RIN2: variants seen among roughly 807,000 people sequenced by gnomAD.
RIN2 encodes RAB5 interacting protein 2.
Under a neutral mutation model 78.0 loss-of-function variants are expected in RIN2, and 36 were observed. The ratio of observed to expected loss-of-function variants is 0.46; its 90% confidence interval spans 0.35 to 0.61. The LOEUF is 0.61. Among genes scored for constraint, RIN2 ranks in the 20% least tolerant of loss-of-function variants. RIN2 has a pLI of 0.00. For missense variants in RIN2, 1,087 were observed against 1,159.7 expected, an observed-to-expected ratio of 0.94 and a Z score of 0.91; for synonymous variants, 466 against 466.8, an observed-to-expected ratio of 1.00 and a Z score of 0.02.
chr20:19,763,387 C>CTAAATAAATAAA (rs146419222), intron 1 of RIN2, among the ~76,000 whole-genome samples: 4,918 of 151,346 alleles, frequency 0.032, 175 homozygotes, highest in African/African-American at 0.087. Context: ...GACTCTGTCT[C>CTAAATAAATAAA]TAAATAAATA....
At chr20:19,965,340 GCACACATGCACACACAGA>G (rs1259416290) in intron 7 of RIN2, among the ~76,000 whole-genome samples, 1 of 152,038 alleles carries the variant, frequency 6.6e-6, no homozygotes, top group East Asian at 1.9e-4. Flanking sequence ...GCACATATGT[GCACACATGCACACACAGA>G]CACACATGCA....
rs999655950 is a variant in RIN2, at chr20:19,850,763, A to G, written c.-36-38803A>G. On this transcript the variant is annotated intron_variant, in intron 2 of 12. Transcript: ENST00000255006. Reference sequence around the variant, plus strand: ...GTGGATCATTTGGGGTCAGGAGTTCAAGACCAGCCTGACCAACATGGTGAA... The same window carrying G: ...GTGGATCATTTGGGGTCAGGAGTTCGAGACCAGCCTGACCAACATGGTGAA... Among the ~76,000 whole-genome samples, 9 of 152,110 alleles carry G rather than the reference A, an allele frequency of 5.9e-5. No individual in the cohort carries two copies. The South Asian group carries it at 1.7e-3, about 28-fold the overall frequency.
chr20:19,975,412 G>C lies in RIN2; in HGVS notation c.1387G>C (p.Asp463His). 6.2e-7 allele frequency: 1 copy of C among 1,614,072 alleles called. No homozygotes were observed. The change falls in exon 9 of 13, where the codon GAC becomes CAC. Residue 463 changes from aspartate (D) to histidine (H), a missense_variant. Transcript: ENST00000255006. This position sits in a 1 kb window ranked among gnomAD's most constrained non-coding sequence, Gnocchi z 4.9. ...GGCGGACACCAACAGCAGCCTGGAG[G>C]ACTACGAGGGGGAAAGTGACCAAGA... ...YEADTNSSLE[D>H]YEGESDQETM... is the part of the protein sequence containing the mutation.
chr20:19,934,969 A>T, intron 3 of RIN2, 130 bp from the exon 4 acceptor site: 3 of 300,980 alleles, frequency 1.0e-5, no homozygotes, highest in South Asian at 6.9e-5. Flanking sequence ...GCCAAGATTA[A>T]AAAAAAAAAA....
At chr20:19,832,631 C>G (rs570051074) in intron 2 of RIN2, among the ~76,000 whole-genome samples, 67 of 151,962 alleles carry the variant, frequency 4.4e-4, no homozygotes, top group South Asian at 3.3e-3. Context: ...GTGCCCCAGA[C>G]TGGGTAACTT....
intron 2 of RIN2, among the ~76,000 whole-genome samples, chr20:19,800,133 G>A (rs2035194344): frequency 6.6e-6 from 1 of 152,190 alleles, no homozygotes; most frequent in Non-Finnish European, 1.5e-5. Context: ...CACCACTGCC[G>A]AGTACAAAGA....
rs201846245 is a variant in RIN2, at chr20:19,845,863, CT to C, written c.-36-43701del. On this transcript the variant is annotated intron_variant, in intron 2 of 12. Coordinates refer to ENST00000255006, the MANE Select transcript of RIN2 (RefSeq NM_018993.4). ...TTCTAATGTTTTCATGGTTTTAGGTCTTATGTTTAAGTCTTTAATTCATCTT... is the reference window on the plus strand; with the variant it reads ...TTCTAATGTTTTCATGGTTTTAGGTCTATGTTTAAGTCTTTAATTCATCTT... 5.3e-3 allele frequency among the ~76,000 whole-genome samples: 802 copies of C among 152,168 alleles called. 6 individuals are homozygous for C. The highest frequency in any genetic ancestry group is 0.019 in the African/African-American group (783 of 41,520).
intron 1 of RIN2, among the ~76,000 whole-genome samples, chr20:19,795,719 G>A (rs2035033649): frequency 6.6e-6 from 1 of 151,898 alleles, no homozygotes; most frequent in African/African-American, 2.4e-5. Flanking sequence ...AATCCAAATT[G>A]GAAATATGTC....
At chr20:19,844,685 CCT>C (rs1491325633) in intron 2 of RIN2, among the ~76,000 whole-genome samples, 3 of 16,036 alleles carry the variant, frequency 1.9e-4, no homozygotes, top group East Asian at 6.3e-3. Flanking sequence ...TCTTCTTCTT[CCT>C]CTTCCTCTTC....
chr20:19,854,355 C>A (rs1374973739), intron 2 of RIN2, among the ~76,000 whole-genome samples: 1 of 152,250 alleles, frequency 6.6e-6, no homozygotes, highest in Non-Finnish European at 1.5e-5. Flanking sequence ...ATTGCCTTGG[C>A]AATGCGGGCC....
chr20:19,790,027 C>T (rs1377978667), intron 1 of RIN2, among the ~76,000 whole-genome samples: 1 of 152,120 alleles, frequency 6.6e-6, no homozygotes, highest in Non-Finnish European at 1.5e-5. Flanking sequence ...TCTTGACGGG[C>T]CCTAATTTTA....
At chr20:19,992,879 C>G (rs1324119006) in intron 11 of RIN2, among the ~76,000 whole-genome samples, 1 of 151,950 alleles carries the variant, frequency 6.6e-6, no homozygotes, top group Non-Finnish European at 1.5e-5. Context: ...TTTAAAATTT[C>G]GTTTTCAAGG....
chr20:19,868,270 C>T (rs1422012661), intron 2 of RIN2, among the ~76,000 whole-genome samples: 2 of 152,230 alleles, frequency 1.3e-5, no homozygotes, highest in African/African-American at 4.8e-5. Flanking sequence ...AGCAGCGTCT[C>T]GGAGAAAAAC....
intron 6 of RIN2, among the ~76,000 whole-genome samples, chr20:19,963,573 C>T (rs6112691): frequency 0.018 from 2,746 of 148,994 alleles, 91 homozygotes; most frequent in African/African-American, 0.064. Flanking sequence ...TGCACCATTG[C>T]ACTCCAACCT....
At position 19,889,170 on chromosome 20, in the gene RIN2, A is replaced by G. The variant is rs554042741; in HGVS notation, c.-36-396A>G. The G allele has an allele frequency of 2.6e-5, 26 of 985,452 alleles. No homozygotes were observed. The South Asian group carries it at 1.1e-3, about 43-fold the overall frequency. The allele number at this position is 985,452 out of a possible 1,614,324, so 61.0% of individuals were successfully genotyped here. A position where few individuals can be genotyped will look rare whatever the true frequency, so the allele number is the denominator to read the frequency against. On this transcript the variant is annotated intron_variant, in intron 2 of 12. Transcript: ENST00000255006. ...CTTCCAGCAGGATTTCCTGGGATGT[A>G]CAGAACCTCCTTCTTCAGCTGTCCC...
chr20:19,956,063 C>T (rs142603182), intron 4 of RIN2, among the ~76,000 whole-genome samples: 2 of 151,968 alleles, frequency 1.3e-5, no homozygotes, highest in African/African-American at 4.8e-5. Flanking sequence ...TCAAGACCAG[C>T]CTGGCCAACA....
intron 3 of RIN2, among the ~76,000 whole-genome samples, chr20:19,929,977 G>T (rs930566650): frequency 6.6e-6 from 1 of 151,966 alleles, no homozygotes; most frequent in East Asian, 1.9e-4. Flanking sequence ...ATTCTGAGAG[G>T]CAGGACTGGC....
In RIN2 at chr20:19,923,488, T is replaced by TAAAATAAATAAAATAAAATAAA. The variant is rs1298455817; in HGVS notation, c.58-11608_58-11607insATAAATAAAATAAAATAAAAAA. Among the ~76,000 whole-genome samples the TAAAATAAATAAAATAAAATAAA allele has an allele frequency of 4.3e-3, 613 of 141,450 alleles. 8 individuals carry two copies. Among genetic ancestry groups the TAAAATAAATAAAATAAAATAAA allele is most frequent in the African/African-American group, 0.015 (567 of 36,648 alleles). 92.8% of individuals were successfully genotyped at this position (141,450 alleles called of 152,430 possible). A position where few individuals can be genotyped will look rare whatever the true frequency, so the allele number is the denominator to read the frequency against. ...ATAAAATAAATAAAATAAAATAAAA[T>TAAAATAAATAAAATAAAATAAA]AAATATTGGCTGAGAGGTGTGGTTC... On this transcript the variant is annotated intron_variant, in intron 3 of 12. Transcript: ENST00000255006.
At chr20:19,780,771 T>C (rs933839097) in intron 1 of RIN2, among the ~76,000 whole-genome samples, 3 of 152,216 alleles carry the variant, frequency 2.0e-5, no homozygotes, top group African/African-American at 7.2e-5. Flanking sequence ...TTTCTTCATA[T>C]GTAAAATGAA....
Sources: gnomAD v4.1 joint callset for allele counts (sites outside exome capture counted in the v4.1 genomes callset) on GRCh38, gnomAD v4.1.1 for gene constraint, Gnocchi (gnomAD v3.1) non-coding constraint, MANE v1.5 for transcripts, NCBI Gene and HGNC (gene_info 2026-07-23, HGNC 2026-07-21) for gene names.